The following WRN variants were observed in gnomAD, a reference collection of about 807,000 sequenced individuals.
The protein encoded by WRN is bifunctional 3'-5' exonuclease/ATP-dependent helicase WRN.
A neutral mutation model predicts 180.7 loss-of-function variants in WRN; 149 were observed. That is an observed-to-expected ratio of 0.82 (90% confidence interval 0.72 to 0.94). The LOEUF (loss-of-function observed/expected upper bound fraction) is 0.94, where lower values mean the gene tolerates loss of function less well. Among genes scored for constraint, WRN ranks in the 40% least tolerant of loss-of-function variants. The pLI is 0.00. For synonymous variants in WRN, 548 were observed against 568.9 expected, an observed-to-expected ratio of 0.96 and a Z score of 0.52; for missense variants, 1,661 against 1,700.1, an observed-to-expected ratio of 0.98 and a Z score of 0.40.
intron 1 of WRN, 119 bp from the exon 2 acceptor site, chr8:31,058,253 T>C (rs1398364100): frequency 1.8e-6 from 1 of 559,394 alleles, no homozygotes; most frequent in Non-Finnish European, 3.2e-6. Flanking sequence ...ATGCAGCATA[T>C]TGTATCTGTT....
chr8:31,062,655 T>A (rs1563328633), intron 3 of WRN, among the ~76,000 whole-genome samples: 1 of 151,974 alleles, frequency 6.6e-6, no homozygotes, highest in Non-Finnish European at 1.5e-5. Flanking sequence ...TCAAGCAATC[T>A]GCCTGCCTTG....
intron 19 of WRN, among the ~76,000 whole-genome samples, chr8:31,114,741 CATT>C (rs1284690746): frequency 6.6e-6 from 1 of 151,898 alleles, no homozygotes; most frequent in Non-Finnish European, 1.5e-5. Context: ...ATACTATATC[CATT>C]ATTTATGCAA....
At chr8:31,050,200 T>C (rs895505088) in intron 1 of WRN, among the ~76,000 whole-genome samples, 44 of 152,174 alleles carry the variant, frequency 2.9e-4, no homozygotes, top group African/African-American at 9.6e-4. Flanking sequence ...AAGATAAATA[T>C]AGACATTGGA....
At chr8:31,078,006 C>T (rs1312667695) in intron 8 of WRN, among the ~76,000 whole-genome samples, 1 of 152,078 alleles carries the variant, frequency 6.6e-6, no homozygotes, top group Admixed American at 6.6e-5. Context: ...CAGGTTGTTT[C>T]AGTATCTATT....
chr8:31,172,183 G>C lies in WRN; in HGVS notation c.4192-812G>C, dbSNP rs11574402. Among the ~76,000 whole-genome samples, 1,296 of 152,190 alleles carry C rather than the reference G, an allele frequency of 8.5e-3. 20 individuals are homozygous for C. Among genetic ancestry groups the C allele is most frequent in the African/African-American group, 0.03 (1,238 of 41,530 alleles). On this transcript the variant is annotated intron_variant, in intron 34 of 34. Transcript: ENST00000298139. Reference sequence around the variant, plus strand: ...TGCCTGTGTGTGTGTTTTTGAGACAGGGTCTTACTCTGCTCAGGCTGGAGT... The same window carrying C: ...TGCCTGTGTGTGTGTTTTTGAGACACGGTCTTACTCTGCTCAGGCTGGAGT...
At chr8:31,104,469 T>C (rs1801014166) in intron 18 of WRN, among the ~76,000 whole-genome samples, 1 of 152,204 alleles carries the variant, frequency 6.6e-6, no homozygotes, top group Non-Finnish European at 1.5e-5. Flanking sequence ...TTCTTTCACT[T>C]TGTAGCTTGC....
In WRN at chr8:31,167,166, C is replaced by A. The variant is rs146055899; in HGVS notation, c.4127C>A (p.Pro1376His). 1 of 1,613,056 alleles carries A rather than the reference C, an allele frequency of 6.2e-7. No homozygotes were observed. The highest frequency in any genetic ancestry group is 1.3e-5 in the African/African-American group (1 of 74,818). ...GATGTCAACAAAAGGAGATGTTTTC[C>A]CGGTTCTGAAGAGATCTGTTCAAGT... The part of the protein sequence containing the change: ...SCDVNKRRCF[P>H]GSEEICSSSK... The change falls in exon 34 of 35, where the codon CCC (proline) becomes CAC (histidine). Residue 1376 changes from proline (P) to histidine (H), a missense_variant. Pro to His is a moderately conservative substitution (Grantham distance 77, BLOSUM62 -2). Coordinates refer to ENST00000298139, the MANE Select transcript of WRN (RefSeq NM_000553.6).
chr8:31,111,721 G>C lies in WRN; in HGVS notation c.2195G>C (p.Arg732Pro). ...NPQITCTGFD[R>P]PNLYLEVRRK... The stretch of plus-strand genomic sequence containing the variant: ...CAGATCACCTGTACTGGTTTTGATC[G>C]ACCAAACCTGTATTTAGAAGTTAGG... The change falls in exon 19 of 35, where the codon CGA becomes CCA. Residue 732 changes from arginine (R) to proline (P), a missense_variant. This residue lies in a region of WRN where 1,141 missense variants were observed against 1,149.4 expected (regional missense o/e 0.99). Transcript: ENST00000298139. The C allele has an allele frequency of 6.2e-7, 1 of 1,613,938 alleles. No homozygotes were observed.
intron 9 of WRN, among the ~76,000 whole-genome samples, chr8:31,082,885 C>T (rs976285494): frequency 6.6e-6 from 1 of 152,004 alleles, no homozygotes; most frequent in Non-Finnish European, 1.5e-5. Context: ...TTATTGGGTA[C>T]TAATTATTAG....
intron 20 of WRN, among the ~76,000 whole-genome samples, chr8:31,117,196 A>G (rs1379007748): frequency 6.6e-6 from 1 of 152,214 alleles, no homozygotes; most frequent in Non-Finnish European, 1.5e-5. Flanking sequence ...GGATTAAAGT[A>G]GAATAACTCT....
chr8:31,059,116 G>A (rs1812385007), intron 2 of WRN, 37 bp from the exon 3 acceptor site: 1 of 1,452,510 alleles, frequency 6.9e-7, no homozygotes, highest in Non-Finnish European at 9.7e-7. Flanking sequence ...TATTTGATGT[G>A]AACTTTGTGC....
chr8:31,132,237 C>T, intron 23 of WRN, 128 bp from the exon 24 acceptor site: 3 of 1,139,390 alleles, frequency 2.6e-6, no homozygotes, highest in Non-Finnish European at 3.7e-6. Context: ...GAACTTTATT[C>T]ATAGCTTCTG....
chr8:31,175,147 A>G lies in WRN; in HGVS notation c.*2045A>G, dbSNP rs1747906886. Among the ~76,000 whole-genome samples the G allele has an allele frequency of 6.6e-6, 1 of 151,846 alleles. No homozygotes were observed. The highest frequency in any genetic ancestry group is 2.4e-5 in the African/African-American group (1 of 41,350). ...GACTAATATGTGATGTTAAGAAATCATGACTGAGGCCGGGCGCGGTGGCTC... is the reference window on the plus strand; with the variant it reads ...GACTAATATGTGATGTTAAGAAATCGTGACTGAGGCCGGGCGCGGTGGCTC... On this transcript the variant is annotated 3_prime_UTR_variant, in exon 35 of 35. Coordinates refer to ENST00000298139, the MANE Select transcript of WRN (RefSeq NM_000553.6).
At position 31,071,432 on chromosome 8, in the gene WRN, C is replaced by T. The variant is rs538317503; in HGVS notation, c.724+3105C>T. 2.8e-4 allele frequency among the ~76,000 whole-genome samples: 43 copies of T among 152,252 alleles called. No homozygotes were observed. The South Asian group carries it at 8.9e-3, about 32-fold the overall frequency. ...CAATAATCCAAGTGAGAAGTAATGG[C>T]AACTTGAGTCGGTTAATTGTGTTGA... On this transcript the variant is annotated intron_variant, in intron 7 of 34. Transcript: ENST00000298139.
At chr8:31,164,239 T>C (rs1803759047) in intron 33 of WRN, among the ~76,000 whole-genome samples, 1 of 152,218 alleles carries the variant, frequency 6.6e-6, no homozygotes, top group South Asian at 2.1e-4. Context: ...TAAAATACTT[T>C]TTGTTCTCTT....
At chr8:31,045,323 A>G (rs1276248689) in intron 1 of WRN, among the ~76,000 whole-genome samples, 3 of 152,134 alleles carry the variant, frequency 2.0e-5, no homozygotes, top group Non-Finnish European at 2.9e-5. Context: ...TAGTCTCTGC[A>G]GTCTTCAAGG....
rs1804252753 is a variant in WRN, at chr8:31,175,632, T to TAA, written c.*2531_*2532insAA. On this transcript the variant is annotated 3_prime_UTR_variant, in exon 35 of 35. Transcript: ENST00000298139. ...AATTTCAGAGAACAATGTCCACCAT[T>TAA]ATCTGAACAGGCTATTAAAATACTC... Among the ~76,000 whole-genome samples the TAA allele has an allele frequency of 6.6e-6, 1 of 152,236 alleles. No individual in the cohort carries two copies. Among genetic ancestry groups the TAA allele is most frequent in the Non-Finnish European group, 1.5e-5 (1 of 68,040 alleles).
intron 1 of WRN, among the ~76,000 whole-genome samples, chr8:31,036,692 A>G (rs749533146): frequency 2.0e-4 from 30 of 152,248 alleles, no homozygotes; most frequent in Non-Finnish European, 3.7e-4. Context: ...TTTTTTAAAT[A>G]TGGTTTTTTA....
chr8:31,145,128 AT>A (rs940194539), intron 28 of WRN, among the ~76,000 whole-genome samples: 2 of 152,144 alleles, frequency 1.3e-5, no homozygotes, highest in African/African-American at 4.8e-5. Context: ...TATCCAGAAG[AT>A]CTAGCTAAGA....
Sources: gnomAD v4.1 joint callset for allele counts (sites outside exome capture counted in the v4.1 genomes callset) on GRCh38, gnomAD v4.1.1 for gene constraint, gnomAD v4.1.1 regional missense constraint, MANE v1.5 for transcripts, NCBI Gene and HGNC (gene_info 2026-07-23, HGNC 2026-07-21) for gene names.